Variants in FGF14 observed in about 807,000 individuals in gnomAD.
FGF14 encodes the protein fibroblast growth factor 14, also known as fibroblast growth factor homologous factor 4.
A neutral mutation model predicts 25.5 loss-of-function variants in FGF14; 5 were observed. The observed-to-expected ratio is 0.20, with a 90% CI of 0.10 to 0.41. The LOEUF is 0.41. Ranked by LOEUF, FGF14 falls within the 10% of genes least tolerant of loss-of-function variation. The probability of loss-of-function intolerance (pLI) is 1.00; values close to 1 mark genes in which losing one functional copy is unlikely to be tolerated. For synonymous variants in FGF14, 138 were observed against 118.3 expected, an observed-to-expected ratio of 1.17 and a Z score of -1.08; for missense variants, 222 against 320.1, an observed-to-expected ratio of 0.69 and a Z score of 2.34.
intron 1 of FGF14, among the ~76,000 whole-genome samples, chr13:102,297,812 C>T (rs2054806771): frequency 1.3e-5 from 2 of 151,634 alleles, no homozygotes; most frequent in Non-Finnish European, 2.9e-5. Flanking sequence ...GGGAGGATGG[C>T]TTGATCCCAG....
chr13:101,845,250 T>A (rs2043394380), intron 3 of FGF14, among the ~76,000 whole-genome samples: 1 of 152,090 alleles, frequency 6.6e-6, no homozygotes, highest in African/African-American at 2.4e-5. Flanking sequence ...CGTTTGCATG[T>A]CGAAGCATTT....
At chr13:102,026,320 A>C (rs1000878374) in intron 1 of FGF14, among the ~76,000 whole-genome samples, 1 of 151,790 alleles carries the variant, frequency 6.6e-6, no homozygotes, top group Non-Finnish European at 1.5e-5. Flanking sequence ...TATTCTTTTT[A>C]TATGTTGCTA....
At chr13:102,302,154 A>C (rs982548541) in intron 1 of FGF14, among the ~76,000 whole-genome samples, 1 of 152,154 alleles carries the variant, frequency 6.6e-6, no homozygotes, top group Non-Finnish European at 1.5e-5. Context: ...AGAATTCAAA[A>C]GGTTTTTAAA....
intron 1 of FGF14, among the ~76,000 whole-genome samples, chr13:101,889,647 A>G (rs1393026238): frequency 6.6e-6 from 1 of 152,206 alleles, no homozygotes; most frequent in Non-Finnish European, 1.5e-5. Flanking sequence ...GTCAGATAAA[A>G]GAAAGAGCAA....
chr13:102,218,486 C>T (rs1021938122), intron 1 of FGF14, among the ~76,000 whole-genome samples: 4 of 150,742 alleles, frequency 2.7e-5, no homozygotes, highest in Admixed American at 2.7e-4. Context: ...GTGGAGAACT[C>T]GGAATCTTCT....
intron 3 of FGF14, among the ~76,000 whole-genome samples, chr13:101,847,633 T>C (rs1013822548): frequency 1.3e-5 from 2 of 152,082 alleles, no homozygotes; most frequent in African/African-American, 4.8e-5. Flanking sequence ...CTTCATACCA[T>C]ACTCTGTGAA....
chr13:101,823,919 A>AATG (rs1267509714), intron 3 of FGF14, among the ~76,000 whole-genome samples: 1 of 127,572 alleles, frequency 7.8e-6, no homozygotes, highest in Non-Finnish European at 1.7e-5. Flanking sequence ...TTTTCTTAAT[A>AATG]ATCAATTATA....
At chr13:101,841,324 C>G (rs2043181373) in intron 3 of FGF14, among the ~76,000 whole-genome samples, 1 of 151,824 alleles carries the variant, frequency 6.6e-6, no homozygotes, top group African/African-American at 2.4e-5. Context: ...ACCGATTGAA[C>G]TGAAAAAAGT....
At chr13:102,366,836 G>GT (rs1236902219) in intron 1 of FGF14, among the ~76,000 whole-genome samples, 2 of 152,092 alleles carry the variant, frequency 1.3e-5, no homozygotes, top group African/African-American at 4.8e-5. Context: ...AACTAGCAGA[G>GT]TATATCATTT....
At chr13:102,212,263 G>C (rs2050192415) in intron 1 of FGF14, among the ~76,000 whole-genome samples, 1 of 152,172 alleles carries the variant, frequency 6.6e-6, no homozygotes, top group Non-Finnish European at 1.5e-5. Context: ...AAAGAACTAA[G>C]GTAGGTCAAC....
At chr13:102,220,144 T>G (rs937838646) in intron 1 of FGF14, among the ~76,000 whole-genome samples, 1 of 152,164 alleles carries the variant, frequency 6.6e-6, no homozygotes, top group Non-Finnish European at 1.5e-5. Flanking sequence ...CTGTATTTAG[T>G]CTTTTTGAAT....
chr13:101,904,362 G>T (rs1040318061), intron 1 of FGF14, among the ~76,000 whole-genome samples: 19 of 151,704 alleles, frequency 1.3e-4, no homozygotes, highest in Middle Eastern at 3.4e-3. Flanking sequence ...TTATATTCAG[G>T]TTTTAAGAAA....
At chr13:102,148,087 A>G (rs551090) in intron 1 of FGF14, among the ~76,000 whole-genome samples, 4,028 of 152,256 alleles carry the variant, frequency 0.026, 177 homozygotes, top group African/African-American at 0.091. Context: ...CAAGGCTATA[A>G]GAGATAATGT....
chr13:101,846,239 G>A (rs1198502818), intron 3 of FGF14, among the ~76,000 whole-genome samples: 1 of 151,622 alleles, frequency 6.6e-6, no homozygotes, highest in South Asian at 2.1e-4. Context: ...AAAGCTCCAG[G>A]TGATTTTTTC....
At chr13:101,975,959 T>A (rs1036527862) in intron 1 of FGF14, among the ~76,000 whole-genome samples, 2 of 152,198 alleles carry the variant, frequency 1.3e-5, no homozygotes, top group Non-Finnish European at 2.9e-5. Context: ...CACGGCCTGG[T>A]TCTGTGGGAA....
intron 1 of FGF14, among the ~76,000 whole-genome samples, chr13:102,028,566 A>C (rs2041050680): frequency 6.6e-6 from 1 of 152,084 alleles, no homozygotes; most frequent in Non-Finnish European, 1.5e-5. Context: ...TCAAATGCTT[A>C]CTATTTATCA....
chr13:102,119,238 A>C (rs2045608597), intron 1 of FGF14, among the ~76,000 whole-genome samples: 1 of 152,206 alleles, frequency 6.6e-6, no homozygotes, highest in African/African-American at 2.4e-5. Context: ...AACACAGAGA[A>C]ACAAACTAGC....
chr13:102,088,298 T>A (rs542153270), intron 1 of FGF14, among the ~76,000 whole-genome samples: 1 of 152,296 alleles, frequency 6.6e-6, no homozygotes, highest in South Asian at 2.1e-4. Context: ...TTAAAAACAA[T>A]CACTGCCAAG....
At chr13:101,948,440 T>C (rs909913154) in intron 1 of FGF14, among the ~76,000 whole-genome samples, 1 of 148,090 alleles carries the variant, frequency 6.8e-6, no homozygotes, top group Non-Finnish European at 1.5e-5. Context: ...GTTGTGCACA[T>C]GTACCCTAGA....
Sources: allele counts gnomAD v4.1 joint callset (sites outside exome capture counted in the v4.1 genomes callset), GRCh38; gene constraint gnomAD v4.1.1; transcripts MANE v1.5; gene names NCBI Gene and HGNC (gene_info 2026-07-23, HGNC 2026-07-21).